ZPBP: variants seen among roughly 807,000 people sequenced by gnomAD.
ZPBP encodes the protein zona pellucida binding protein, also known as zona pellucida-binding protein 1.
ZPBP carries 26 observed loss-of-function variants against 44.8 expected under a neutral mutation model. The ratio of observed to expected loss-of-function variants is 0.58; its 90% CI spans 0.43 to 0.81. The LOEUF (loss-of-function observed/expected upper bound fraction) is 0.81, where lower values mean the gene tolerates loss of function less well. Among genes scored for constraint, ZPBP ranks in the 30% least tolerant of loss-of-function variants. The pLI is 0.00. For missense variants in ZPBP, 409 were observed against 434.0 expected (o/e 0.94, Z 0.51); for synonymous variants, 174 against 153.2 (o/e 1.14, Z -1.00).
intron 2 of ZPBP, among the ~76,000 whole-genome samples, chr7:49,870,593 T>A (rs1351750848): frequency 6.6e-6 from 1 of 151,928 alleles, no homozygotes; most frequent in Admixed American, 6.6e-5. Flanking sequence ...GTCTTACGAG[T>A]AGGATTTTCA....
chr7:49,874,439 C>T (rs552667290), intron 2 of ZPBP, among the ~76,000 whole-genome samples: 1 of 151,964 alleles, frequency 6.6e-6, no homozygotes, highest in South Asian at 2.1e-4. Flanking sequence ...GAAGGCTGTA[C>T]TATCTAGGTC....
chr7:50,085,021 C>A (rs1438726530), intron 2 of ZPBP, among the ~76,000 whole-genome samples: 3 of 152,014 alleles, frequency 2.0e-5, no homozygotes, highest in Admixed American at 6.6e-5. Context: ...TGTTGAAGTC[C>A]TAATCTCCAG....
chr7:49,879,278 T>A (rs896847357), intron 2 of ZPBP, among the ~76,000 whole-genome samples: 1 of 152,180 alleles, frequency 6.6e-6, no homozygotes, highest in Admixed American at 6.5e-5. Flanking sequence ...ATAATTTCAA[T>A]CTCTAGAGCA....
chr7:50,002,447 C>T (rs1173275658), intron 6 of ZPBP, among the ~76,000 whole-genome samples: 1 of 152,082 alleles, frequency 6.6e-6, no homozygotes, highest in Non-Finnish European at 1.5e-5. Context: ...GTCTTGAACT[C>T]CTGGGCTCTA....
chr7:49,983,189 C>A (rs775543834), intron 7 of ZPBP, among the ~76,000 whole-genome samples, 153 bp downstream of exon 7: 3 of 151,956 alleles, frequency 2.0e-5, no homozygotes, highest in Non-Finnish European at 4.4e-5. Context: ...TCTTTCACAT[C>A]TTTAGATTCA....
intron 2 of ZPBP, among the ~76,000 whole-genome samples, chr7:49,863,365 G>A (rs1790740204): frequency 6.6e-6 from 1 of 152,120 alleles, no homozygotes; most frequent in African/African-American, 2.4e-5. Flanking sequence ...TCCAGCTAAA[G>A]ATTTGTCAGT....
chr7:49,892,938 C>A (rs1212639190), intron 2 of ZPBP, among the ~76,000 whole-genome samples: 2 of 98,972 alleles, frequency 2.0e-5, no homozygotes, highest in South Asian at 6.7e-4. Context: ...CTGAAAAGAT[C>A]TTCAATGAAG....
chr7:49,980,395 C>G (rs1796793446), intron 7 of ZPBP, among the ~76,000 whole-genome samples: 1 of 145,510 alleles, frequency 6.9e-6, no homozygotes, highest in Non-Finnish European at 1.5e-5. Flanking sequence ...AAAATTTATA[C>G]TAATATCACT....
At chr7:50,021,915 C>G (rs1332779251) in intron 5 of ZPBP, among the ~76,000 whole-genome samples, 1 of 152,034 alleles carries the variant, frequency 6.6e-6, no homozygotes, top group East Asian at 1.9e-4. Context: ...TTTAAAAAAT[C>G]AAAGACAGAG....
At chr7:49,862,986 G>A (rs1790719793) in intron 2 of ZPBP, among the ~76,000 whole-genome samples, 1 of 152,110 alleles carries the variant, frequency 6.6e-6, no homozygotes, top group Non-Finnish European at 1.5e-5. Context: ...CTTACAGTGA[G>A]GTAGGATGTA....
At chr7:50,002,948 T>A (rs1239679438) in intron 6 of ZPBP, among the ~76,000 whole-genome samples, 1 of 152,126 alleles carries the variant, frequency 6.6e-6, no homozygotes, top group East Asian at 1.9e-4. Context: ...AATCTAAAAC[T>A]AAGGGTAGAA....
chr7:50,083,684 A>G (rs1449574487), intron 2 of ZPBP, among the ~76,000 whole-genome samples: 1 of 151,950 alleles, frequency 6.6e-6, no homozygotes, highest in African/African-American at 2.4e-5. Context: ...TCAAATTGGC[A>G]TAAATAACTG....
chr7:50,084,841 A>C (rs1296335453), intron 2 of ZPBP, among the ~76,000 whole-genome samples: 1 of 152,102 alleles, frequency 6.6e-6, no homozygotes, highest in African/African-American at 2.4e-5. Flanking sequence ...AACTCCAAAA[A>C]TTACCTCCTT....
chr7:49,989,363 C>A (rs1797460311), intron 6 of ZPBP, among the ~76,000 whole-genome samples: 1 of 152,160 alleles, frequency 6.6e-6, no homozygotes, highest in Non-Finnish European at 1.5e-5. Context: ...GCCCAACTCA[C>A]AGGTTTGAGG....
chr7:49,850,487 G>A (rs923597654), exon 3 of ZPBP: 5 of 152,198 alleles, frequency 3.3e-5, no homozygotes, highest in Non-Finnish European at 5.9e-5. Flanking sequence ...TAGGCACAAG[G>A]AGATGGACAG....
chr7:50,031,236 T>C lies in ZPBP; in HGVS notation c.562A>G (p.Ile188Val). ...TGAAGAAGTTTCTTCTCAAAAGAAATATTATAAATGCTATTGCAGGGAGCT... is the reference window on the plus strand; with the variant it reads ...TGAAGAAGTTTCTTCTCAAAAGAAACATTATAAATGCTATTGCAGGGAGCT... Reference protein sequence around the residue: ...HAAPCNSIYNISFEKKLLQIL... With the variant: ...HAAPCNSIYNVSFEKKLLQIL... The change falls in exon 5 of 8, where the codon ATT becomes GTT. Residue 188 changes from isoleucine to valine, a missense_variant. Physicochemically the swap from Ile to Val is conservative, Grantham distance 29. Transcript: ENST00000046087. 1.2e-6 allele frequency: 2 copies of C among 1,613,008 alleles called. No individual in the cohort carries two copies. Among genetic ancestry groups the C allele is most frequent in the Non-Finnish European group, 1.7e-6 (2 of 1,179,802 alleles).
intron 7 of ZPBP, among the ~76,000 whole-genome samples, chr7:49,979,257 G>T (rs1364635961): frequency 2.0e-5 from 3 of 151,162 alleles, no homozygotes; most frequent in Non-Finnish European, 4.4e-5. Flanking sequence ...CTATCCTATT[G>T]CAAACTCAAT....
chr7:49,933,179 A>G (rs1463969136), downstream of ZPBP, among the ~76,000 whole-genome samples: 1 of 152,194 alleles, frequency 6.6e-6, no homozygotes, highest in East Asian at 1.9e-4. Flanking sequence ...TAAGGAAAAT[A>G]CTCACTACAT....
At chr7:49,849,724 T>G (rs1790099605), downstream of ZPBP, among the ~76,000 whole-genome samples, 1 of 152,236 alleles carries the variant, frequency 6.6e-6, no homozygotes, top group African/African-American at 2.4e-5. Context: ...AGCAGAAGCC[T>G]GAAGAATGGG....
Sources: allele counts gnomAD v4.1 joint callset (sites outside exome capture counted in the v4.1 genomes callset), GRCh38; gene constraint gnomAD v4.1.1; transcripts MANE v1.5; gene names NCBI Gene and HGNC (gene_info 2026-07-23, HGNC 2026-07-21).